The following FANCE variants were observed in gnomAD, a reference collection of about 807,000 sequenced individuals.
The protein encoded by FANCE is Fanconi anemia group E protein.
A neutral mutation model predicts 57.8 loss-of-function variants in FANCE; 42 were observed. The observed-to-expected ratio is 0.73, with a 90% confidence interval of 0.57 to 0.94. FANCE has a LOEUF of 0.94. Among genes scored for constraint, FANCE ranks in the 40% least tolerant of loss-of-function variants. The pLI, the probability that FANCE is intolerant of heterozygous loss-of-function variation, is 0.00. For synonymous variants in FANCE, 251 were observed against 286.4 expected, an observed-to-expected ratio of 0.88 and a Z score of 1.25; for missense variants, 608 against 661.8, an observed-to-expected ratio of 0.92 and a Z score of 0.89.
rs1767417019 is a variant in FANCE, at chr6:35,457,974, G to C, written c.959G>C (p.Ser320Thr). 1 of 1,613,988 alleles carries C rather than the reference G, an allele frequency of 6.2e-7. No individual in the cohort carries two copies. Among genetic ancestry groups the C allele is most frequent in the African/African-American group, 1.3e-5 (1 of 74,914 alleles). ...GAGCTACAGCTTCTTCACGAATGTA[G>C]TCCCAGCCAGGTGAGTCCAGATGAC... ...PVELQLLHEC[S>T]PSQMDLLCAQ... The change falls in exon 4 of 10, where the codon AGT becomes ACT. Residue 320 changes from serine to threonine, a missense_variant. By Grantham distance (58) the Ser-to-Thr change is moderately conservative. Coordinates refer to ENST00000229769, the MANE Select transcript of FANCE (RefSeq NM_021922.3).
rs1767853744 is a variant in FANCE, at chr6:35,466,704, A to G, written c.*359A>G. On this transcript the variant is annotated 3_prime_UTR_variant, in exon 10 of 10. Transcript: ENST00000229769. ...GTCAGCCTCCCAAGTAGCTGGGACT[A>G]CATGCACATGACACTATGCCCAGCT... 4 of 409,134 alleles carry G rather than the reference A, an allele frequency of 9.8e-6. 1 individual carries two copies. Among genetic ancestry groups the G allele is most frequent in the Middle Eastern group, 7.2e-4 (1 of 1,392 alleles). 25.3% of individuals were successfully genotyped at this position (409,134 alleles called of 1,614,324 possible).
chr6:35,458,254 T>C (rs1767427529), intron 4 of FANCE, 43 bp from the exon 5 acceptor site: 2 of 1,609,778 alleles, frequency 1.2e-6, no homozygotes, highest in Non-Finnish European at 1.7e-6. Context: ...AGAGGCAGAG[T>C]GCATGTCCCG....
intron 6 of FANCE, 80 bp downstream of exon 6, chr6:35,459,534 A>C: frequency 6.2e-7 from 1 of 1,607,754 alleles, no homozygotes; most frequent in Non-Finnish European, 8.5e-7. Flanking sequence ...TGGCCCTGGC[A>C]GGAGTTGGGT....
Position 35,466,289 on chromosome 6 carries a change from AAC to A in FANCE, c.1558_1559del (p.Thr520HisfsTer97), listed in dbSNP as rs1734671102. 6.2e-7 allele frequency: 1 copy of A among 1,613,886 alleles called. No individual in the cohort carries two copies. The highest frequency in any genetic ancestry group is 1.1e-5 in the South Asian group (1 of 91,082). On this transcript the variant is annotated frameshift_variant, in exon 10 of 10. Transcript: ENST00000229769. LOFTEE classifies it high-confidence loss of function. ...GGGCCTGGCTATGGCCCTAGAACCTAACACCACCTTCCTGAGGAAGTCCCTGA... is the reference window on the plus strand; with the variant it reads ...GGGCCTGGCTATGGCCCTAGAACCTAACCACCTTCCTGAGGAAGTCCCTGA... ...RLGLAMALEP[N>X]TTFLRKSLKA...
Position 35,452,722 on chromosome 6 carries a change from C to A in FANCE, c.177C>A (p.Asp59Glu). The A allele has an allele frequency of 8.0e-7, 1 of 1,247,314 alleles. No homozygotes were observed. The highest frequency in any genetic ancestry group is 1.0e-6 in the Non-Finnish European group (1 of 995,324). The allele number at this position is 1,247,314 out of a possible 1,614,324, so 77.3% of individuals were successfully genotyped here. ...GCAGCCGCGGCTGGGAGCCCTTCGA[C>A]TGGGGTCGCTTGCTCGAGGCCCTGT... ...ALGSRGWEPF[D>E]WGRLLEALCR... The change falls in exon 1 of 10, where the codon GAC (aspartate) becomes GAA (glutamate). Residue 59 changes from aspartate to glutamate, a missense_variant. Coordinates refer to ENST00000229769, the MANE Select transcript of FANCE (RefSeq NM_021922.3).
chr6:35,465,249 C>T (rs1282496832), intron 9 of FANCE, among the ~76,000 whole-genome samples: 2 of 152,232 alleles, frequency 1.3e-5, no homozygotes, highest in African/African-American at 4.8e-5. Flanking sequence ...TCTTGGCTCA[C>T]TGCAACCTCC....
chr6:35,460,606 C>T lies in FANCE; in HGVS notation c.1371C>T (p.Leu457=). 3 of 1,613,940 alleles carry T rather than the reference C, an allele frequency of 1.9e-6. No individual in the cohort carries two copies. Among genetic ancestry groups the T allele is most frequent in the Middle Eastern group, 1.6e-4 (1 of 6,062 alleles). ...KEETFLVLQS[L]LERQVEMTPE... ...AAACTTTCTTGGTGTTGCAGTCACT[C>T]CTAGAGCGGCAGGTGAGCAGGCTGC... Residue 457 remains leucine, a synonymous_variant, in exon 8 of 10, where the codon CTC becomes CTT. Coordinates refer to ENST00000229769, the MANE Select transcript of FANCE (RefSeq NM_021922.3).
intron 2 of FANCE, 73 bp from the exon 3 acceptor site, chr6:35,457,483 G>C: frequency 6.4e-7 from 1 of 1,553,344 alleles, no homozygotes; most frequent in Non-Finnish European, 8.9e-7. Context: ...TTTTCAGTAG[G>C]GGGAGCCAGA....
intron 5 of FANCE, 88 bp downstream of exon 5, chr6:35,458,528 T>G: frequency 6.6e-7 from 1 of 1,515,090 alleles, no homozygotes; most frequent in Non-Finnish European, 9.1e-7. Context: ...AGAGAGGGGA[T>G]TCCCAGCCTT....
intron 8 of FANCE, among the ~76,000 whole-genome samples, chr6:35,460,907 T>G (rs1237092671): frequency 6.6e-6 from 1 of 150,972 alleles, no homozygotes; most frequent in Non-Finnish European, 1.5e-5. Flanking sequence ...AGGTAATAGA[T>G]TCATATGTTC....
At chr6:35,457,641 C>A (rs1487857181) in intron 3 of FANCE, 41 bp downstream of exon 3, 1 of 1,606,060 alleles carries the variant, frequency 6.2e-7, no homozygotes, top group Non-Finnish European at 8.5e-7. Context: ...TTTCTTCCAT[C>A]TTCTACCCAG....
intron 4 of FANCE, 117 bp from the exon 5 acceptor site, chr6:35,458,180 T>G (rs1767424605): frequency 6.9e-7 from 1 of 1,458,614 alleles, no homozygotes; most frequent in African/African-American, 1.4e-5. Context: ...CTCCCAGACT[T>G]TCTTTGCCCT....
chr6:35,457,835 C>A (rs890605217), intron 3 of FANCE, 81 bp from the exon 4 acceptor site: 1 of 1,278,934 alleles, frequency 7.8e-7, no homozygotes, highest in African/African-American at 1.5e-5. Context: ...TCAGGCCACT[C>A]CTTCTGCCAC....
intron 9 of FANCE, among the ~76,000 whole-genome samples, chr6:35,465,163 A>G (rs925671984): frequency 6.6e-5 from 10 of 151,790 alleles, no homozygotes; most frequent in Non-Finnish European, 1.3e-4. Flanking sequence ...GAGGAGCTGT[A>G]TATATGTATG....
Position 35,459,637 on chromosome 6 carries a change from C to G in FANCE, c.1238-45C>G, listed in dbSNP as rs1374413046. ...CCGCCTCCCTGCTTTCTGCTGTCTT[C>G]TGCCATTTCCCCCCAGACTTCCCCT... On this transcript the variant is annotated intron_variant, in intron 6 of 9. Coordinates refer to ENST00000229769, the MANE Select transcript of FANCE (RefSeq NM_021922.3). 2.5e-6 allele frequency: 4 copies of G among 1,600,384 alleles called. No homozygotes were observed. In the South Asian group the frequency reaches 4.4e-5, roughly 18 times the overall value.
At chr6:35,465,138 TC>T (rs1479829698) in intron 9 of FANCE, among the ~76,000 whole-genome samples, 1 of 152,128 alleles carries the variant, frequency 6.6e-6, no homozygotes, top group Admixed American at 6.5e-5. Context: ...TAGCATTTTT[TC>T]TGTACGTCAT....
rs1181944297 is a variant in FANCE, at chr6:35,456,157, T to A, written c.659T>A (p.Leu220Ter). ...GAGGGGAAGAGGGTCCCCAAAAGAT[T>A]ACGGTGTTGGGAAGAGGAAGAAGAT... ...SPEGKRVPKR[L>*]RCWEEEEDHE... The change falls in exon 2 of 10, where the codon TTA becomes TAA. Residue 220 changes from leucine to a stop codon, truncating the protein, a stop_gained. Transcript: ENST00000229769. LOFTEE classifies it high-confidence loss of function. The surrounding 1 kb of genome is among the most constrained non-coding windows in gnomAD (Gnocchi z 4.3). The A allele has an allele frequency of 6.2e-7, 1 of 1,613,890 alleles. No individual in the cohort carries two copies. Among genetic ancestry groups the A allele is most frequent in the East Asian group, 2.2e-5 (1 of 44,880 alleles).
chr6:35,459,474 C>T lies in FANCE; in HGVS notation c.1237+20C>T. On this transcript the variant is annotated intron_variant, in intron 6 of 9. Transcript: ENST00000229769. Reference sequence around the variant, plus strand: ...GCACAGGTAATTCTGGAACCAGCCCCAGGCCCAGTAGCTCTGCCCTCAGTG... The same window carrying T: ...GCACAGGTAATTCTGGAACCAGCCCTAGGCCCAGTAGCTCTGCCCTCAGTG... The T allele has an allele frequency of 6.2e-7, 1 of 1,613,874 alleles. No individual in the cohort carries two copies. The highest frequency in any genetic ancestry group is 1.1e-5 in the South Asian group (1 of 91,078).
Position 35,452,700 on chromosome 6 carries a change from G to T in FANCE, c.155G>T (p.Ser52Ile). The T allele has an allele frequency of 8.1e-7, 1 of 1,240,848 alleles. No homozygotes were observed. The highest frequency in any genetic ancestry group is 1.0e-6 in the Non-Finnish European group (1 of 992,876). 76.9% of individuals were successfully genotyped at this position (1,240,848 alleles called of 1,614,324 possible). A position where few individuals can be genotyped will look rare whatever the true frequency, so the allele number is the denominator to read the frequency against. ...RGLGVLRALG[S>I]RGWEPFDWGR... ...CTGGGGGTGCTCCGGGCGCTGGGCA[G>T]CCGCGGCTGGGAGCCCTTCGACTGG... Residue 52 changes from serine (S) to isoleucine (I), a missense_variant, in exon 1 of 10, where the codon AGC becomes ATC. Coordinates refer to ENST00000229769, the MANE Select transcript of FANCE (RefSeq NM_021922.3).
Sources: gnomAD v4.1 joint callset for allele counts (sites outside exome capture counted in the v4.1 genomes callset) on GRCh38, gnomAD v4.1.1 for gene constraint, Gnocchi (gnomAD v3.1) non-coding constraint, MANE v1.5 for transcripts, NCBI Gene and HGNC (gene_info 2026-07-23, HGNC 2026-07-21) for gene names.